The following GABRG3 variants were observed in gnomAD, a reference collection of about 807,000 sequenced individuals.
The protein encoded by GABRG3 is gamma-aminobutyric acid type A receptor subunit gamma3.
In GABRG3, 25 loss-of-function variants were observed where a neutral mutation model predicts 48.8. The ratio of observed to expected loss-of-function variants is 0.51; its 90% CI spans 0.37 to 0.72. GABRG3 has a LOEUF of 0.72. Among genes scored for constraint, GABRG3 ranks in the 30% least tolerant of loss-of-function variants. The pLI, the probability that GABRG3 is intolerant of heterozygous loss-of-function variation, is 0.00. For missense variants in GABRG3, 394 were observed against 577.9 expected, an observed-to-expected ratio of 0.68 and a Z score of 3.26; for synonymous variants, 227 against 217.6, an observed-to-expected ratio of 1.04 and a Z score of -0.38.
intron 3 of GABRG3, among the ~76,000 whole-genome samples, chr15:27,261,183 C>T (rs1890756430): frequency 6.6e-6 from 1 of 152,030 alleles, no homozygotes; most frequent in South Asian, 2.1e-4. Context: ...TTCTATTGCA[C>T]TAGGAATCAA....
intron 5 of GABRG3, chr15:27,341,082 C>A (rs1048618969): frequency 5.0e-6 from 2 of 398,696 alleles, no homozygotes; most frequent in South Asian, 2.0e-5. Context: ...TTAGCCAGGT[C>A]AGCAACTCTT....
intron 2 of GABRG3, among the ~76,000 whole-genome samples, chr15:27,019,601 T>C (rs1326184102): frequency 1.3e-5 from 2 of 152,192 alleles, no homozygotes; most frequent in Non-Finnish European, 2.9e-5. Context: ...CTGTGGACAT[T>C]AGCAGAGGGA....
intron 2 of GABRG3, among the ~76,000 whole-genome samples, chr15:27,024,770 T>C (rs1356969815): frequency 6.6e-6 from 1 of 152,152 alleles, no homozygotes; most frequent in Non-Finnish European, 1.5e-5. Context: ...CTCATGCCTG[T>C]ATTCCCAGCA....
chr15:27,479,694 T>A (rs954181071), intron 5 of GABRG3, among the ~76,000 whole-genome samples: 26 of 152,214 alleles, frequency 1.7e-4, no homozygotes, highest in African/African-American at 6.3e-4. Flanking sequence ...ATGCCATCAG[T>A]GTCTGTATGA....
At chr15:27,185,274 G>A (rs1888057504) in intron 3 of GABRG3, among the ~76,000 whole-genome samples, 1 of 151,712 alleles carries the variant, frequency 6.6e-6, no homozygotes, top group South Asian at 2.1e-4. Context: ...TTTTTCCTTT[G>A]ACATATGTTC....
chr15:27,530,662 T>C (rs777757450), intron 9 of GABRG3: 2 of 471,026 alleles, frequency 4.2e-6, no homozygotes, highest in African/African-American at 2.0e-5. Context: ...GCCCTTTAGA[T>C]CTCTGGTGAG....
chr15:27,162,594 G>A (rs780522266), intron 3 of GABRG3, among the ~76,000 whole-genome samples: 1 of 152,048 alleles, frequency 6.6e-6, no homozygotes, highest in African/African-American at 2.4e-5. Flanking sequence ...GGAGAAACAC[G>A]CCAAATGGAA....
At chr15:27,229,127 G>A (rs1889715618) in intron 3 of GABRG3, among the ~76,000 whole-genome samples, 1 of 152,064 alleles carries the variant, frequency 6.6e-6, no homozygotes, top group Admixed American at 6.6e-5. Context: ...TCTTTGTCAC[G>A]AACTTTTTGC....
At chr15:27,259,479 G>T (rs532543288) in intron 3 of GABRG3, among the ~76,000 whole-genome samples, 1 of 152,260 alleles carries the variant, frequency 6.6e-6, no homozygotes, top group East Asian at 1.9e-4. Flanking sequence ...AGGCTCTCCT[G>T]TTGTCTCAAA....
chr15:27,151,365 T>G (rs1898311158), intron 3 of GABRG3, among the ~76,000 whole-genome samples: 1 of 152,130 alleles, frequency 6.6e-6, no homozygotes, highest in Non-Finnish European at 1.5e-5. Context: ...CTGTTTTTTT[T>G]TTTTTAATCA....
chr15:27,123,955 C>G (rs962301337), intron 3 of GABRG3, among the ~76,000 whole-genome samples: 1 of 152,188 alleles, frequency 6.6e-6, no homozygotes, highest in African/African-American at 2.4e-5. Context: ...TAGACATTTT[C>G]TGGACACCCA....
chr15:26,998,568 C>A (rs1206255079), intron 2 of GABRG3, among the ~76,000 whole-genome samples: 1 of 152,164 alleles, frequency 6.6e-6, no homozygotes, highest in African/African-American at 2.4e-5. Flanking sequence ...CTCCCCCTAA[C>A]TATGAGGAAG....
At chr15:27,244,202 G>T (rs1463553017) in intron 3 of GABRG3, among the ~76,000 whole-genome samples, 2 of 152,150 alleles carry the variant, frequency 1.3e-5, no homozygotes, top group African/African-American at 4.8e-5. Flanking sequence ...TGAAAGAGAG[G>T]TGCTCACTGA....
At chr15:27,313,309 T>TATATAC (rs1566779284) in intron 3 of GABRG3, among the ~76,000 whole-genome samples, 8 of 95,458 alleles carry the variant, frequency 8.4e-5, no homozygotes, top group African/African-American at 2.5e-4. Flanking sequence ...TATATATATA[T>TATATAC]ACCCAACATC....
At chr15:27,404,224 A>AAAAAACCTATC (rs1887566773) in intron 5 of GABRG3, among the ~76,000 whole-genome samples, 1 of 152,154 alleles carries the variant, frequency 6.6e-6, no homozygotes, top group African/African-American at 2.4e-5. Context: ...CCGTCTGAAG[A>AAAAAACCTATC]AAAAACCTAT....
chr15:27,058,584 G>A (rs1485245500), intron 3 of GABRG3, among the ~76,000 whole-genome samples: 1 of 151,754 alleles, frequency 6.6e-6, no homozygotes, highest in South Asian at 2.1e-4. Flanking sequence ...TACATGTCAA[G>A]TGTCTGGTCA....
intron 3 of GABRG3, among the ~76,000 whole-genome samples, chr15:27,200,990 T>TA (rs1157859548): frequency 2.6e-5 from 4 of 152,280 alleles, no homozygotes; most frequent in Middle Eastern, 3.4e-3. Flanking sequence ...TGTGTACAGA[T>TA]ACTCAGCCTT....
intron 3 of GABRG3, among the ~76,000 whole-genome samples, chr15:27,282,108 C>G (rs574016935): frequency 1.1e-3 from 165 of 152,272 alleles, no homozygotes; most frequent in African/African-American, 3.9e-3. Flanking sequence ...AATCATTGCT[C>G]CCCATGAGTG....
rs962796509 is a variant in GABRG3, at chr15:27,535,162, G to A, written c.*2281G>A. 3 of 152,210 alleles carry A rather than the reference G, an allele frequency of 2.0e-5. No individual in the cohort carries two copies. The highest frequency in any genetic ancestry group is 7.2e-5 in the African/African-American group (3 of 41,452). The allele number at this position is 152,210 out of a possible 1,614,324, so 9.4% of individuals were successfully genotyped here. On this transcript the variant is annotated 3_prime_UTR_variant, in exon 10 of 10. Transcript: ENST00000615808. ...GAAGGTGGCCCAAGGGCAGTCTTAA[G>A]ACACAATGTCAAACGTTATGAATGG...
Sources: gnomAD v4.1 joint callset for allele counts (sites outside exome capture counted in the v4.1 genomes callset) on GRCh38, gnomAD v4.1.1 for gene constraint, MANE v1.5 for transcripts, NCBI Gene and HGNC (gene_info 2026-07-23, HGNC 2026-07-21) for gene names.